FBXL17: variants seen among roughly 807,000 people sequenced by gnomAD.
FBXL17 encodes the protein F-box/LRR-repeat protein 17.
A neutral mutation model predicts 66.2 loss-of-function variants in FBXL17; 22 were observed. The ratio of observed to expected loss-of-function variants is 0.33; its 90% confidence interval spans 0.24 to 0.47. The LOEUF (loss-of-function observed/expected upper bound fraction) is 0.47, where lower values mean the gene tolerates loss of function less well. FBXL17 is among the 20% of genes least tolerant of loss of function. The pLI, the probability that FBXL17 is intolerant of heterozygous loss-of-function variation, is 1.00. For missense variants in FBXL17, 878 were observed against 948.2 expected, an observed-to-expected ratio of 0.93 and a Z score of 0.97; for synonymous variants, 474 against 400.5, an observed-to-expected ratio of 1.18 and a Z score of -2.19.
chr5:108,369,101 A>C (rs1300254195), intron 1 of FBXL17, among the ~76,000 whole-genome samples: 1 of 152,110 alleles, frequency 6.6e-6, no homozygotes, highest in Non-Finnish European at 1.5e-5. Context: ...CTGCTCACCT[A>C]AGACAAATGC....
At chr5:108,174,428 C>T (rs949090937) in intron 6 of FBXL17, among the ~76,000 whole-genome samples, 34 of 152,106 alleles carry the variant, frequency 2.2e-4, no homozygotes, top group African/African-American at 8.2e-4. Flanking sequence ...CTTGAACAAA[C>T]AGAAAAGCAA....
At chr5:108,298,758 A>T in intron 4 of FBXL17, 1 of 754,620 alleles carries the variant, frequency 1.3e-6, no homozygotes, top group South Asian at 6.1e-5. Flanking sequence ...ATGTTTGTTT[A>T]TTCACTATTC....
At chr5:108,192,371 AC>A (rs1254105657) in intron 5 of FBXL17, among the ~76,000 whole-genome samples, 3 of 152,178 alleles carry the variant, frequency 2.0e-5, no homozygotes, top group Non-Finnish European at 4.4e-5. Context: ...TTTAACAGAA[AC>A]CCAAGTCAGA....
chr5:108,283,466 A>G (rs1215176311), intron 4 of FBXL17, among the ~76,000 whole-genome samples: 1 of 151,884 alleles, frequency 6.6e-6, no homozygotes, highest in Non-Finnish European at 1.5e-5. Flanking sequence ...TAGTGCTGGA[A>G]AAACTGGACT....
intron 4 of FBXL17, among the ~76,000 whole-genome samples, chr5:108,281,342 T>C (rs769976688): frequency 6.6e-6 from 1 of 151,824 alleles, no homozygotes; most frequent in Non-Finnish European, 1.5e-5. Context: ...AGAATAAAAC[T>C]AGAAAATCAA....
rs117951196 is a variant in FBXL17, at chr5:107,958,008, C to T, written c.1822+62917G>A. 5.7e-4 allele frequency among the ~76,000 whole-genome samples: 86 copies of T among 152,042 alleles called. 1 individual carries two copies. In the East Asian group the frequency reaches 0.014, roughly 25 times the overall value. On this transcript the variant is annotated intron_variant, in intron 7 of 8. Transcript: ENST00000542267. ...GAGGCCCAGTGTCCAAGTAATACATCGTTAATTGTTGACACGGCAGAGAAA... is the reference window on the plus strand; with the variant it reads ...GAGGCCCAGTGTCCAAGTAATACATTGTTAATTGTTGACACGGCAGAGAAA...
chr5:108,332,855 G>A (rs1028380672), intron 4 of FBXL17, among the ~76,000 whole-genome samples: 7 of 141,910 alleles, frequency 4.9e-5, no homozygotes, highest in Non-Finnish European at 3.0e-5. Flanking sequence ...GTGATCCACC[G>A]CCTCGGCCTC....
intron 4 of FBXL17, chr5:108,298,384 A>G: frequency 1.0e-6 from 1 of 981,186 alleles, no homozygotes. Context: ...TTTCTACTCC[A>G]CCAGTCAAAG....
intron 4 of FBXL17, among the ~76,000 whole-genome samples, chr5:108,257,371 A>G (rs547803770): frequency 9.6e-4 from 146 of 152,326 alleles, no homozygotes; most frequent in Admixed American, 4.2e-3. Context: ...AAAATATTCC[A>G]TAAGCATACA....
At chr5:108,213,602 C>T (rs1328197260) in intron 5 of FBXL17, among the ~76,000 whole-genome samples, 1 of 152,098 alleles carries the variant, frequency 6.6e-6, no homozygotes, top group Non-Finnish European at 1.5e-5. Flanking sequence ...TTCAGCTTGC[C>T]CTCCATGGGC....
chr5:107,881,080 C>T lies in FBXL17; in HGVS notation c.1922G>A (p.Ser641Asn), dbSNP rs1222218381. 1 of 1,613,994 alleles carries T rather than the reference C, an allele frequency of 6.2e-7. No individual in the cohort carries two copies. The highest frequency in any genetic ancestry group is 1.3e-5 in the African/African-American group (1 of 74,916). Residue 641 changes from serine (S) to asparagine (N), a missense_variant, in exon 8 of 9, where the codon AGC (serine) becomes AAC (asparagine). Transcript: ENST00000542267. ...TDQGATLIAQ[S>N]SKSLRYLGLM... ...CCCCAAATATCTCAGAGACTTGCTG[C>T]TCTGTGCAATCAGGGTGGCTCCTTG...
At chr5:108,071,156 G>A (rs289231) in intron 6 of FBXL17, among the ~76,000 whole-genome samples, 7,057 of 152,234 alleles carry the variant, frequency 0.046, 561 homozygotes, top group African/African-American at 0.16. Context: ...GCATTGCAGC[G>A]ATGAACTCAG....
intron 7 of FBXL17, among the ~76,000 whole-genome samples, chr5:107,959,380 A>AC (rs1470435950): frequency 3.5e-5 from 2 of 57,576 alleles, no homozygotes; most frequent in African/African-American, 9.7e-5. Context: ...GGGCTGCTAT[A>AC]AACACACACA....
intron 7 of FBXL17, among the ~76,000 whole-genome samples, chr5:107,926,534 G>A (rs1312233779): frequency 1.3e-5 from 2 of 151,360 alleles, no homozygotes; most frequent in African/African-American, 4.9e-5. Context: ...TGTATGGTGA[G>A]AATATTCTGA....
chr5:107,990,790 G>A (rs1285052805), intron 7 of FBXL17, among the ~76,000 whole-genome samples: 1 of 152,134 alleles, frequency 6.6e-6, no homozygotes, highest in Non-Finnish European at 1.5e-5. Context: ...CAAGGTCCCT[G>A]TCCCCAGGGA....
intron 6 of FBXL17, among the ~76,000 whole-genome samples, chr5:108,124,890 T>C (rs1028855127): frequency 6.6e-6 from 1 of 152,048 alleles, no homozygotes; most frequent in African/African-American, 2.4e-5. Flanking sequence ...AAAATTTAGC[T>C]AACATAGCTT....
At chr5:108,016,527 T>A (rs1010350263) in intron 7 of FBXL17, among the ~76,000 whole-genome samples, 2 of 152,184 alleles carry the variant, frequency 1.3e-5, no homozygotes, top group Non-Finnish European at 2.9e-5. Flanking sequence ...GAAAGAAACC[T>A]GGGTCATTTT....
At chr5:108,274,209 A>G (rs1757390718) in intron 4 of FBXL17, among the ~76,000 whole-genome samples, 1 of 152,164 alleles carries the variant, frequency 6.6e-6, no homozygotes, top group Admixed American at 6.5e-5. Context: ...CCTCTTCCTA[A>G]TAAGCCTGGG....
intron 6 of FBXL17, among the ~76,000 whole-genome samples, chr5:108,043,979 T>G (rs1747147747): frequency 6.6e-6 from 1 of 152,224 alleles, no homozygotes; most frequent in South Asian, 2.1e-4. Flanking sequence ...GTGTTCTTAA[T>G]TTTGGTGTCC....
Sources: gnomAD v4.1 joint callset for allele counts (sites outside exome capture counted in the v4.1 genomes callset) on GRCh38, gnomAD v4.1.1 for gene constraint, MANE v1.5 for transcripts, NCBI Gene and HGNC (gene_info 2026-07-23, HGNC 2026-07-21) for gene names.